Variants in PKD1L1 observed in about 807,000 individuals in gnomAD.
PKD1L1 encodes polycystin-1-like protein 1.
PKD1L1 carries 236 observed loss-of-function variants against 323.4 expected under a neutral mutation model. The ratio of observed to expected loss-of-function variants is 0.73; its 90% CI spans 0.66 to 0.81. The LOEUF (loss-of-function observed/expected upper bound fraction) is 0.81. Ranked by LOEUF, PKD1L1 falls within the 40% of genes least tolerant of loss-of-function variation. The probability of loss-of-function intolerance (pLI) is 0.00; values close to 1 mark genes in which losing one functional copy is unlikely to be tolerated. For missense variants in PKD1L1, 3,320 were observed against 3,508.0 expected, an observed-to-expected ratio of 0.95 and a Z score of 1.35; for synonymous variants, 1,344 against 1,335.0, an observed-to-expected ratio of 1.01 and a Z score of -0.15.
intron 46 of PKD1L1, chr7:47,819,437 C>G: frequency 1.2e-6 from 1 of 860,586 alleles, no homozygotes; most frequent in Non-Finnish European, 1.6e-6. Flanking sequence ...CTAGCAAAAG[C>G]CAGAGGTTTT....
At chr7:47,775,737 TAAACTC>T (rs1786552566) in intron 56 of PKD1L1, among the ~76,000 whole-genome samples, 1 of 147,942 alleles carries the variant, frequency 6.8e-6, no homozygotes, top group African/African-American at 2.5e-5. Context: ...AAAAACAACT[TAAACTC>T]AAAGTAAACA....
chr7:47,923,150 C>CGA (rs1562991926), intron 7 of PKD1L1, among the ~76,000 whole-genome samples: 3 of 151,972 alleles, frequency 2.0e-5, no homozygotes, highest in African/African-American at 7.3e-5. Flanking sequence ...CGTTAAGAGT[C>CGA]GTCACCACTC....
chr7:47,951,781 C>T (rs1290653606), upstream of PKD1L1, among the ~76,000 whole-genome samples: 1 of 152,128 alleles, frequency 6.6e-6, no homozygotes, highest in Non-Finnish European at 1.5e-5. Flanking sequence ...ATAAAATATA[C>T]AAGGAAAAAT....
chr7:47,930,819 AC>A (rs1787754115), intron 6 of PKD1L1, among the ~76,000 whole-genome samples: 1 of 152,150 alleles, frequency 6.6e-6, no homozygotes, highest in African/African-American at 2.4e-5. Flanking sequence ...TGTCAAAAAA[AC>A]AAACAAACAA....
intron 7 of PKD1L1, among the ~76,000 whole-genome samples, chr7:47,927,908 C>A (rs1787685835): frequency 6.6e-6 from 1 of 152,132 alleles, no homozygotes; most frequent in South Asian, 2.1e-4. Context: ...GCTGAAAGAT[C>A]AGAAACAATT....
intron 56 of PKD1L1, among the ~76,000 whole-genome samples, chr7:47,788,577 A>ATATTT (rs939251075): frequency 2.2e-5 from 3 of 138,062 alleles, no homozygotes; most frequent in African/African-American, 8.0e-5. Flanking sequence ...ATATATATAT[A>ATATTT]TTTTTTTTTT....
intron 56 of PKD1L1, among the ~76,000 whole-genome samples, chr7:47,781,137 T>TC (rs1786682554): frequency 6.6e-6 from 1 of 152,216 alleles, no homozygotes; most frequent in Admixed American, 6.5e-5. Context: ...AATTTCCAGT[T>TC]CCCTAACGGC....
intron 56 of PKD1L1, among the ~76,000 whole-genome samples, chr7:47,777,756 A>G (rs554840429): frequency 6.6e-6 from 1 of 152,194 alleles, no homozygotes; most frequent in Admixed American, 6.5e-5. Context: ...AGCAGGGGGA[A>G]GTTGGCACAG....
intron 49 of PKD1L1, among the ~76,000 whole-genome samples, chr7:47,812,535 T>C (rs1784922608): frequency 6.6e-6 from 1 of 152,192 alleles, no homozygotes. Context: ...TTATTGTAAC[T>C]GTCTAGACCT....
chr7:47,942,670 A>G (rs535354426), intron 2 of PKD1L1, among the ~76,000 whole-genome samples: 1 of 152,246 alleles, frequency 6.6e-6, no homozygotes, highest in African/African-American at 2.4e-5. Context: ...AAGGACGAGG[A>G]GGAAAACCCC....
intron 52 of PKD1L1, among the ~76,000 whole-genome samples, chr7:47,804,244 G>T (rs1368787098): frequency 1.3e-5 from 2 of 152,204 alleles, no homozygotes; most frequent in African/African-American, 4.8e-5. Context: ...GCCGCACATG[G>T]TTGAATGGGG....
chr7:47,793,783 A>G (rs1787009774), intron 55 of PKD1L1, among the ~76,000 whole-genome samples: 1 of 152,216 alleles, frequency 6.6e-6, no homozygotes, highest in Non-Finnish European at 1.5e-5. Flanking sequence ...AACCTCCTAG[A>G]GACTTGTGGA....
intron 42 of PKD1L1, 90 bp from the exon 43 acceptor site, chr7:47,830,214 G>C (rs150239482): frequency 1.2e-5 from 14 of 1,120,022 alleles, no homozygotes; most frequent in Non-Finnish European, 1.7e-5. Context: ...GACACTGCCT[G>C]AGAGGGCCTA....
chr7:47,791,100 A>T (rs1786935629), intron 56 of PKD1L1, among the ~76,000 whole-genome samples: 1 of 152,068 alleles, frequency 6.6e-6, no homozygotes, highest in Non-Finnish European at 1.5e-5. Flanking sequence ...TTAAATATAT[A>T]GGTGTATATC....
Position 47,877,613 on chromosome 7 carries a change from A to G in PKD1L1, c.3539T>C (p.Leu1180Pro). Residue 1180 changes from leucine (L) to proline (P), a missense_variant, in exon 22 of 57, where the codon CTG (leucine) becomes CCG (proline). By Grantham distance (98) the Leu-to-Pro change is moderately conservative. Transcript: ENST00000289672. The part of the protein sequence containing the change: ...QVSVASKHGL[L>P]GKAQLYLTVN... Reference sequence around the variant, plus strand: ...TGTCAAGTACAGCTGAGCTTTACCCAGTAAGCCATGCTTCGAAGCTAAAGA... The same window carrying G: ...TGTCAAGTACAGCTGAGCTTTACCCGGTAAGCCATGCTTCGAAGCTAAAGA... The G allele has an allele frequency of 6.2e-7, 1 of 1,613,956 alleles. No individual in the cohort carries two copies. Among genetic ancestry groups the G allele is most frequent in the Non-Finnish European group, 8.5e-7 (1 of 1,179,886 alleles).
chr7:47,812,941 G>A (rs775273830), intron 49 of PKD1L1, among the ~76,000 whole-genome samples, 180 bp downstream of exon 49: 25 of 152,372 alleles, frequency 1.6e-4, no homozygotes, highest in Non-Finnish European at 2.9e-4. Context: ...CTGAGCCTGT[G>A]TGATGCTTCT....
At chr7:47,800,138 C>T (rs4720616) in intron 54 of PKD1L1, among the ~76,000 whole-genome samples, 128,176 of 152,206 alleles carry the variant, frequency 0.84, 54,072 homozygotes, top group East Asian at 0.93. Context: ...TCTTCTTCCA[C>T]TGAAGGAGTT....
rs779052866 is a variant in PKD1L1 at position 47,932,058 on chromosome 7, T to C, written c.399-2A>G. On this transcript the variant is annotated splice_acceptor_variant, in intron 4 of 56. Coordinates refer to ENST00000289672, the MANE Select transcript of PKD1L1 (RefSeq NM_138295.5). LOFTEE classifies it high-confidence loss of function. ...ATAATGAAAGGTTTGTGGGGAATTCTGTATGGGAAGGAAAGTGCAGAAAGA... is the reference window on the plus strand; with the variant it reads ...ATAATGAAAGGTTTGTGGGGAATTCCGTATGGGAAGGAAAGTGCAGAAAGA... The C allele has an allele frequency of 6.9e-6, 11 of 1,605,124 alleles. No homozygotes were observed. The East Asian group carries it at 2.2e-4, about 33-fold the overall frequency.
rs1399534214 is a variant in PKD1L1, at chr7:47,884,651, T to C, written c.3212A>G (p.Glu1071Gly). ...TTCTTGAATGTCACTGTAATAGGCT[T>C]CAAAATCTATAAGAAAGGACAAAAT... ...HSPDPHLSDF[E>G]AYYSDIQEAI... The change falls in exon 19 of 57, where the codon GAA becomes GGA. Residue 1071 changes from glutamate to glycine, a missense_variant. Coordinates refer to ENST00000289672, the MANE Select transcript of PKD1L1 (RefSeq NM_138295.5). The C allele has an allele frequency of 1.2e-6, 2 of 1,613,094 alleles. No individual in the cohort carries two copies. The highest frequency in any genetic ancestry group is 2.2e-5 in the South Asian group (2 of 91,050).
Sources: gnomAD v4.1 joint callset for allele counts (sites outside exome capture counted in the v4.1 genomes callset) on GRCh38, gnomAD v4.1.1 for gene constraint, MANE v1.5 for transcripts, NCBI Gene and HGNC (gene_info 2026-07-23, HGNC 2026-07-21) for gene names.